The following VSIG10L variants were observed in gnomAD, a reference collection of about 807,000 sequenced individuals.
VSIG10L encodes the protein V-set and immunoglobulin domain containing 10 like.
Under a neutral mutation model 67.3 loss-of-function variants are expected in VSIG10L, and 63 were observed. That is an observed-to-expected ratio of 0.94 (90% CI 0.76 to 1.15). The LOEUF (loss-of-function observed/expected upper bound fraction) is 1.15, where lower values mean the gene tolerates loss of function less well. Among genes scored for constraint, VSIG10L ranks in the 50% most tolerant of loss-of-function variants. The pLI is 0.00. For missense variants in VSIG10L, 1,050 were observed against 1,177.5 expected (o/e 0.89, Z 1.58); for synonymous variants, 499 against 524.9 (o/e 0.95, Z 0.67).
At position 51,337,463 on chromosome 19, in the gene VSIG10L, C is replaced by G; in HGVS notation, c.2080G>C (p.Gly694Arg). The G allele has an allele frequency of 3.2e-6, 5 of 1,551,514 alleles. No homozygotes were observed. Among genetic ancestry groups the G allele is most frequent in the East Asian group, 2.4e-5 (1 of 40,904 alleles). The change falls in exon 7 of 10, where the codon GGG (glycine) becomes CGG (arginine). Residue 694 changes from glycine to arginine, a missense_variant. Coordinates refer to ENST00000335624, the MANE Select transcript of VSIG10L (RefSeq NM_001163922.3). The stretch of plus-strand genomic sequence containing the variant: ...ATCTCAAAACTGCTGATCAGGGCCC[C>G]GCGCTCCACATCCCAAGTCAGCACG... ...AAVLTWDVER[G>R]ALISSFEIQA... is the part of the protein sequence containing the mutation.
In VSIG10L at chr19:51,340,076, G is replaced by T; in HGVS notation, c.1413C>A (p.Cys471Ter). ...GGCCGGTACGCGGGTTCGCCGCCAGGCAGGCGTAGGTGCCTGCGTGGCCCG... is the reference window on the plus strand; with the variant it reads ...GGCCGGTACGCGGGTTCGCCGCCAGTCAGGCGTAGGTGCCTGCGTGGCCCG... ...VGPGHAGTYACLAANPRTGRR... is the reference protein window; with the variant it reads ...VGPGHAGTYA Residue 471 changes from cysteine to a stop codon, truncating the protein, a stop_gained, in exon 4 of 10, where the codon TGC (cysteine) becomes TGA (stop). Coordinates refer to ENST00000335624, the MANE Select transcript of VSIG10L (RefSeq NM_001163922.3). LOFTEE classifies it high-confidence loss of function. The surrounding 1 kb of genome is among the most constrained non-coding windows in gnomAD (Gnocchi z 6.3). The T allele has an allele frequency of 7.0e-7, 1 of 1,430,832 alleles. No individual in the cohort carries two copies. Among genetic ancestry groups the T allele is most frequent in the Non-Finnish European group, 9.1e-7 (1 of 1,093,884 alleles). 88.6% of individuals were successfully genotyped at this position (1,430,832 alleles called of 1,614,324 possible).
At chr19:51,337,793 G>A (rs1333095865) in intron 6 of VSIG10L, 137 bp downstream of exon 6, 6 of 1,190,688 alleles carry the variant, frequency 5.0e-6, no homozygotes, top group East Asian at 5.2e-5. Flanking sequence ...CTGGACTCCA[G>A]GGTCTGAGGG....
chr19:51,338,348 C>A (rs945227981), intron 5 of VSIG10L, 140 bp from the exon 6 acceptor site: 28 of 825,824 alleles, frequency 3.4e-5, no homozygotes, highest in Non-Finnish European at 4.4e-5. Context: ...AATTTACTCA[C>A]TCATTAGCTC....
chr19:51,341,157 C>T lies in VSIG10L; in HGVS notation c.891G>A (p.Val297=), dbSNP rs1985624887. The T allele has an allele frequency of 6.6e-7, 1 of 1,512,550 alleles. No homozygotes were observed. The highest frequency in any genetic ancestry group is 8.9e-7 in the Non-Finnish European group (1 of 1,126,486). 93.7% of individuals were successfully genotyped at this position (1,512,550 alleles called of 1,614,324 possible). The change falls in exon 2 of 10, where the codon GTG becomes GTA. Residue 297 remains valine (V), a synonymous_variant. Coordinates refer to ENST00000335624, the MANE Select transcript of VSIG10L (RefSeq NM_001163922.3). Reference sequence around the variant, plus strand: ...CGGACGCCAGGGCCCACTTACCATACACACCCACCGTGAACTCGTGAGTCT... The same window carrying T: ...CGGACGCCAGGGCCCACTTACCATATACACCCACCGTGAACTCGTGAGTCT... The part of the protein sequence containing the change: ...SQQTHEFTVG[V]YEPLPQLSVQ...
chr19:51,333,716 C>A (rs975111974), intron 9 of VSIG10L, 75 bp downstream of exon 9: 1 of 1,429,302 alleles, frequency 7.0e-7, no homozygotes, highest in Non-Finnish European at 9.3e-7. Context: ...ATAATTGAGA[C>A]CCTCTCATCT....
chr19:51,332,696 T>C lies in VSIG10L; in HGVS notation c.2575-56A>G, dbSNP rs117141091. On this transcript the variant is annotated intron_variant, in intron 9 of 9. Transcript: ENST00000335624. ...CTCAGTAGGTACTCTGGATGTGACA[T>C]AACTCACCCGCCTAACTTTTTCTAG... 2.2e-5 allele frequency: 32 copies of C among 1,475,720 alleles called. No homozygotes were observed. In the East Asian group the frequency reaches 7.8e-4, roughly 36 times the overall value. The allele number at this position is 1,475,720 out of a possible 1,614,324, so 91.4% of individuals were successfully genotyped here.
chr19:51,332,682 C>A, intron 9 of VSIG10L, 42 bp from the exon 10 acceptor site: 1 of 1,527,726 alleles, frequency 6.5e-7, no homozygotes, highest in Non-Finnish European at 8.9e-7. Flanking sequence ...TCAGTAGGTA[C>A]TCTGGATGTG....
At position 51,341,109 on chromosome 19, in the gene VSIG10L, A is replaced by AGCAGG. The variant is rs1411564102; in HGVS notation, c.895+43_895+44insCCTGC. Reference sequence around the variant, plus strand: ...ACTTGCCCAAAGCCTGGCAGAGCAGAGCAGCCCCTGCCGCCTGCACGCCGG... The same window carrying AGCAGG: ...ACTTGCCCAAAGCCTGGCAGAGCAGAGCAGGGCAGCCCCTGCCGCCTGCACGCCGG... On this transcript the variant is annotated intron_variant, in intron 2 of 9. Transcript: ENST00000335624. 4 of 1,469,498 alleles carry AGCAGG rather than the reference A, an allele frequency of 2.7e-6. No homozygotes were observed. The East Asian group carries it at 1.0e-4, about 37-fold the overall frequency. The allele number at this position is 1,469,498 out of a possible 1,614,324, so 91.0% of individuals were successfully genotyped here. A position where few individuals can be genotyped will look rare whatever the true frequency, so the allele number is the denominator to read the frequency against.
chr19:51,339,198 C>T, intron 4 of VSIG10L, 56 bp from the exon 5 acceptor site: 1 of 1,263,782 alleles, frequency 7.9e-7, no homozygotes, highest in Non-Finnish European at 1.0e-6. Flanking sequence ...TCTTCTCCAG[C>T]CCCGCCTCCC....
Position 51,332,150 on chromosome 19 carries a change from G to A in VSIG10L, c.*461C>T, listed in dbSNP as rs1985373636. On this transcript the variant is annotated 3_prime_UTR_variant, in exon 10 of 10. Transcript: ENST00000335624. ...ATAATATCTGAAGGGAAATGCACAG[G>A]CCGTAGAAGCGTTTAAAGAGAAGAG... 4.6e-6 allele frequency: 1 copy of A among 216,642 alleles called. No individual in the cohort carries two copies. The highest frequency in any genetic ancestry group is 9.5e-6 in the Non-Finnish European group (1 of 105,242). 13.4% of individuals were successfully genotyped at this position (216,642 alleles called of 1,614,324 possible). A position where few individuals can be genotyped will look rare whatever the true frequency, so the allele number is the denominator to read the frequency against.
At chr19:51,335,725 A>G (rs1985463252) in intron 7 of VSIG10L, among the ~76,000 whole-genome samples, 1 of 152,178 alleles carries the variant, frequency 6.6e-6, no homozygotes, top group African/African-American at 2.4e-5. Context: ...CCTGGCCAAC[A>G]TGGCAAAATC....
chr19:51,339,395 G>A (rs1010803730), intron 4 of VSIG10L, among the ~76,000 whole-genome samples: 1 of 151,970 alleles, frequency 6.6e-6, no homozygotes. Flanking sequence ...CTTCCCAAAC[G>A]TAACTCAGCC....
At position 51,341,568 on chromosome 19, in the gene VSIG10L, A is replaced by G; in HGVS notation, c.480T>C (p.Asp160=). ...SHTKLSVEAP[D]SKFSPDDMDL... ...CCATATCATCCGGGGAGAATTTTGA[A>G]TCTGGGGCCTCAACAGACAGTTTGG... Residue 160 remains aspartate (D), a synonymous_variant, in exon 2 of 10, where the codon GAT becomes GAC. Coordinates refer to ENST00000335624, the MANE Select transcript of VSIG10L (RefSeq NM_001163922.3). 1.9e-6 allele frequency: 3 copies of G among 1,551,684 alleles called. No homozygotes were observed. Among genetic ancestry groups the G allele is most frequent in the Non-Finnish European group, 2.6e-6 (3 of 1,146,984 alleles).
At chr19:51,336,496 G>A (rs1985481477) in intron 7 of VSIG10L, among the ~76,000 whole-genome samples, 1 of 152,124 alleles carries the variant, frequency 6.6e-6, no homozygotes, top group African/African-American at 2.4e-5. Flanking sequence ...AGAAGTTGCG[G>A]TGAGCCGAGA....
chr19:51,334,186 C>T lies in VSIG10L; in HGVS notation c.2419+5G>A. On this transcript the variant is annotated splice_donor_5th_base_variant and intron_variant, in intron 8 of 9. Coordinates refer to ENST00000335624, the MANE Select transcript of VSIG10L (RefSeq NM_001163922.3). ...GGTTGCCCCTTCCCCAGTCCCCTTG[C>T]TCACCACGAAAGCGGCACAGGCAGC... The T allele has an allele frequency of 6.4e-7, 1 of 1,551,754 alleles. No individual in the cohort carries two copies. The highest frequency in any genetic ancestry group is 1.2e-5 in the South Asian group (1 of 84,054).
At position 51,340,284 on chromosome 19, in the gene VSIG10L, G is replaced by C. The variant is rs997397303; in HGVS notation, c.1205C>G (p.Pro402Arg). ...DVSVFYGPDP[P>R]TITVSSDRDA... ...GCGGTCCGAGGAGACCGTGATGGTCGGCGGGTCCGGGCCGTCTGGAGGGAG... is the reference window on the plus strand; with the variant it reads ...GCGGTCCGAGGAGACCGTGATGGTCCGCGGGTCCGGGCCGTCTGGAGGGAG... Residue 402 changes from proline (P) to arginine (R), a missense_variant, in exon 4 of 10, where the codon CCG becomes CGG. Pro to Arg is a moderately radical substitution (Grantham distance 103). Around this residue, in one of 3 missense-constraint regions of VSIG10L, gnomAD observed 511 missense variants for 557.9 expected, o/e 0.92. Coordinates refer to ENST00000335624, the MANE Select transcript of VSIG10L (RefSeq NM_001163922.3). This position sits in a 1 kb window ranked among gnomAD's most constrained non-coding sequence, Gnocchi z 6.3. 16 of 1,516,244 alleles carry C rather than the reference G, an allele frequency of 1.1e-5. No homozygotes were observed. Among genetic ancestry groups the C allele is most frequent in the Non-Finnish European group, 1.3e-5 (15 of 1,138,848 alleles). The allele number at this position is 1,516,244 out of a possible 1,614,324, so 93.9% of individuals were successfully genotyped here.
rs1260475950 is a variant in VSIG10L at position 51,341,836 on chromosome 19, G to T, written c.212C>A (p.Ala71Asp). Residue 71 changes from alanine to aspartate, a missense_variant, in exon 2 of 10, where the codon GCC (alanine) becomes GAC (aspartate). Physicochemically the swap from Ala to Asp is moderately radical, Grantham distance 126. Around this residue, in one of 3 missense-constraint regions of VSIG10L, gnomAD observed 511 missense variants for 557.9 expected, o/e 0.92. Transcript: ENST00000335624. ...KVPDQFLDSK[A>D]SAGISDSSWF... ...GCTGGAATCAGAGATTCCAGCAGAG[G>T]CTTTTGAATCCAGGAACTGATCTGG... 1.9e-6 allele frequency: 3 copies of T among 1,551,662 alleles called. No individual in the cohort carries two copies. Among genetic ancestry groups the T allele is most frequent in the South Asian group, 2.4e-5 (2 of 84,056 alleles).
chr19:51,336,519 A>G (rs1427423684), intron 7 of VSIG10L, among the ~76,000 whole-genome samples: 5 of 151,982 alleles, frequency 3.3e-5, no homozygotes, highest in Non-Finnish European at 7.4e-5. Context: ...ATGCCATTGC[A>G]CTCCAGCCTG....
intron 2 of VSIG10L, 136 bp downstream of exon 2, chr19:51,341,017 A>C: frequency 7.8e-7 from 1 of 1,288,614 alleles, no homozygotes; most frequent in Non-Finnish European, 1.0e-6. Flanking sequence ...CTTGACCTCT[A>C]GCTCTTTTTC....
Sources: gnomAD v4.1 joint callset for allele counts (sites outside exome capture counted in the v4.1 genomes callset) on GRCh38, gnomAD v4.1.1 for gene constraint, gnomAD v4.1.1 regional missense constraint, Gnocchi (gnomAD v3.1) non-coding constraint, MANE v1.5 for transcripts, NCBI Gene and HGNC (gene_info 2026-07-23, HGNC 2026-07-21) for gene names.